PRPF3: variants seen among roughly 807,000 people sequenced by gnomAD.
PRPF3 encodes U4/U6 small nuclear ribonucleoprotein Prp3.
Under a neutral mutation model 89.2 loss-of-function variants are expected in PRPF3, and 3 were observed. That is an observed-to-expected ratio of 0.03 (90% CI 0.02 to 0.09). PRPF3 has a LOEUF of 0.09. Among genes scored for constraint, PRPF3 ranks in the 10% least tolerant of loss-of-function variants. The probability of loss-of-function intolerance (pLI) is 1.00; values close to 1 mark genes in which losing one functional copy is unlikely to be tolerated. For synonymous variants in PRPF3, 270 were observed against 289.1 expected (o/e 0.93, Z 0.67); for missense variants, 463 against 828.8 (o/e 0.56, Z 5.42).
chr1:150,339,847 A>G (rs1015899679), intron 8 of PRPF3, among the ~76,000 whole-genome samples: 2 of 148,610 alleles, frequency 1.3e-5, no homozygotes, highest in Non-Finnish European at 3.0e-5. Flanking sequence ...GCTCAGCCTC[A>G]TAAGTATCCG....
intron 11 of PRPF3, 30 bp from the exon 12 acceptor site, chr1:150,344,404 C>G (rs781962731): frequency 1.2e-5 from 19 of 1,614,048 alleles, no homozygotes; most frequent in Non-Finnish European, 1.5e-5. Context: ...ATGCCTTTCT[C>G]ACTTGTGGAT....
chr1:150,351,912 ATGT>A (rs1658970089), intron 15 of PRPF3, among the ~76,000 whole-genome samples: 1 of 151,858 alleles, frequency 6.6e-6, no homozygotes, highest in African/African-American at 2.4e-5. Context: ...ACCAGTATTA[ATGT>A]TGTAGGAATT....
rs782001708 is a variant in PRPF3 at position 150,328,286 on chromosome 1, G to C, written c.277-34G>C. 9 of 1,612,550 alleles carry C rather than the reference G, an allele frequency of 5.6e-6. No individual in the cohort carries two copies. In the East Asian group the frequency reaches 8.9e-5, roughly 16 times the overall value. ...TTCTTCCCTTCTCCCCACGGGGAGGGATACAGCTTTTCTTTCATCTTGGGT... is the reference window on the plus strand; with the variant it reads ...TTCTTCCCTTCTCCCCACGGGGAGGCATACAGCTTTTCTTTCATCTTGGGT... On this transcript the variant is annotated intron_variant, in intron 3 of 15. Transcript: ENST00000324862.
In PRPF3 at chr1:150,325,774, G is replaced by A. The variant is rs1445442631; in HGVS notation, c.169G>A (p.Asp57Asn). 2 of 1,613,228 alleles carry A rather than the reference G, an allele frequency of 1.2e-6. No individual in the cohort carries two copies. The highest frequency in any genetic ancestry group is 1.7e-6 in the Non-Finnish European group (2 of 1,179,558). ...AADHLKPFLDDSTLRFVDKLF... is the reference protein window; with the variant it reads ...AADHLKPFLDNSTLRFVDKLF... ...AGATCATCTGAAACCTTTTCTTGAT[G>A]ATTCTACTCTCCGATTTGTGGACAA... The change falls in exon 3 of 16, where the codon GAT (aspartate) becomes AAT (asparagine). Residue 57 changes from aspartate to asparagine, a missense_variant. Physicochemically the swap from Asp to Asn is conservative, Grantham distance 23. Transcript: ENST00000324862.
At chr1:150,326,337 A>C (rs1382374374) in intron 3 of PRPF3, among the ~76,000 whole-genome samples, 1 of 152,096 alleles carries the variant, frequency 6.6e-6, no homozygotes, top group Non-Finnish European at 1.5e-5. Flanking sequence ...AAAAATAACT[A>C]TTATTTATTA....
At position 150,323,173 on chromosome 1, in the gene PRPF3, C is replaced by CTTTTTTTTTTTTTT. The variant is rs71083901; in HGVS notation, c.-49+1592_-49+1605dup. 9.5e-4 allele frequency among the ~76,000 whole-genome samples: 46 copies of CTTTTTTTTTTTTTT among 48,286 alleles called. 9 individuals are homozygous for CTTTTTTTTTTTTTT. The highest frequency in any genetic ancestry group is 3.7e-3 in the African/African-American group (38 of 10,350). 31.7% of individuals were successfully genotyped at this position (48,286 alleles called of 152,430 possible). A position where few individuals can be genotyped will look rare whatever the true frequency, so the allele number is the denominator to read the frequency against. ...TACAGGCGTGAGCCACCGCACCTGG[C>CTTTTTTTTTTTTTT]TTTTTTTTTTTTTTTTTTTTTTTTG... On this transcript the variant is annotated intron_variant, in intron 1 of 15. Transcript: ENST00000324862.
chr1:150,331,191 AC>A (rs1302080079), intron 4 of PRPF3, among the ~76,000 whole-genome samples: 1 of 149,174 alleles, frequency 6.7e-6, no homozygotes, highest in Non-Finnish European at 1.5e-5. Flanking sequence ...AACGTGCATC[AC>A]CATGTCCAGC....
intron 15 of PRPF3, among the ~76,000 whole-genome samples, chr1:150,352,170 C>T (rs1553874526): frequency 6.6e-6 from 1 of 152,130 alleles, no homozygotes; most frequent in Non-Finnish European, 1.5e-5. Flanking sequence ...CCAAAGCCTC[C>T]TGCTTATATA....
At chr1:150,334,724 C>T (rs782029400) in intron 6 of PRPF3, among the ~76,000 whole-genome samples, 6 of 151,908 alleles carry the variant, frequency 3.9e-5, no homozygotes, top group Non-Finnish European at 8.8e-5. Context: ...TATATGCCAC[C>T]GCACCCAGCT....
chr1:150,335,033 A>G lies in PRPF3; in HGVS notation c.827A>G (p.His276Arg). ...ACAGGCAAGGAGATTGAGCTGACAC[A>G]CCGCATGCCTACTCTGAAAGCCAAT... Reference protein sequence around the residue: ...DATGKEIELTHRMPTLKANIR... With the variant: ...DATGKEIELTRRMPTLKANIR... The change falls in exon 7 of 16, where the codon CAC becomes CGC. Residue 276 changes from histidine (H) to arginine (R), a missense_variant. His to Arg is a conservative substitution (Grantham distance 29). Coordinates refer to ENST00000324862, the MANE Select transcript of PRPF3 (RefSeq NM_004698.4). 6.2e-7 allele frequency: 1 copy of G among 1,614,100 alleles called. No individual in the cohort carries two copies. The highest frequency in any genetic ancestry group is 8.5e-7 in the Non-Finnish European group (1 of 1,180,012).
chr1:150,339,733 T>G (rs1273504585), intron 8 of PRPF3, among the ~76,000 whole-genome samples: 1 of 133,638 alleles, frequency 7.5e-6, no homozygotes, highest in African/African-American at 2.8e-5. Flanking sequence ...CCACCACGCC[T>G]GGCGTTTTTT....
rs1284484498 is a variant in PRPF3 at position 150,348,458 on chromosome 1, GCAT to G, written c.1844-698_1844-696del. Among the ~76,000 whole-genome samples the G allele has an allele frequency of 1.4e-4, 3 of 21,696 alleles. 1 individual carries two copies. Among genetic ancestry groups the G allele is most frequent in the African/African-American group, 6.5e-4 (2 of 3,084 alleles). The allele number at this position is 21,696 out of a possible 152,430, so 14.2% of individuals were successfully genotyped here. On this transcript the variant is annotated intron_variant, in intron 14 of 15. Transcript: ENST00000324862. ...ATAAAAAATATTTTGTTCTACACGT[GCAT>G]TTTTTTTTTTTTTTTTTTGAGATGG... is the stretch of plus-strand genomic sequence containing the variant.
rs587619799 is a variant in PRPF3 at position 150,346,986 on chromosome 1, G to A, written c.1843+495G>A. On this transcript the variant is annotated intron_variant, in intron 14 of 15. Transcript: ENST00000324862. ...CACACCTGTATTCCCAGCTACTCAG[G>A]AAGCTGAGGTGGGAGGATCACTTGA... 1.8e-3 allele frequency among the ~76,000 whole-genome samples: 268 copies of A among 152,236 alleles called. 1 individual carries two copies. The Middle Eastern group carries it at 0.027, about 15-fold the overall frequency.
At chr1:150,346,550 C>T in intron 14 of PRPF3, 59 bp downstream of exon 14, 4 of 1,489,302 alleles carry the variant, frequency 2.7e-6, no homozygotes, top group Non-Finnish European at 3.7e-6. Flanking sequence ...GATGGTGCAT[C>T]TGTCCGTTCA....
chr1:150,338,068 C>G, intron 7 of PRPF3, 92 bp from the exon 8 acceptor site: 1 of 1,282,242 alleles, frequency 7.8e-7, no homozygotes, highest in South Asian at 1.3e-5. Flanking sequence ...GAACGAAACT[C>G]CGTCTCAAAA....
chr1:150,340,552 T>A, intron 9 of PRPF3, 75 bp downstream of exon 9: 1 of 1,143,294 alleles, frequency 8.7e-7, no homozygotes. Flanking sequence ...AGGAACATGT[T>A]CTGTATCTAT....
At chr1:150,351,778 G>A (rs1174734113) in intron 15 of PRPF3, among the ~76,000 whole-genome samples, 4 of 149,708 alleles carry the variant, frequency 2.7e-5, no homozygotes, top group African/African-American at 4.9e-5. Context: ...CCAAAGTGCT[G>A]GGATTATAGG....
intron 9 of PRPF3, among the ~76,000 whole-genome samples, chr1:150,342,646 C>T (rs1317428977): frequency 2.0e-5 from 3 of 151,918 alleles, no homozygotes; most frequent in African/African-American, 7.3e-5. Flanking sequence ...CCTCAGCCTC[C>T]CGAGTAGCTG....
At chr1:150,338,041 TCCAGCCTGGGCAAGAAGAAC>T (rs1163995384) in intron 7 of PRPF3, 99 bp from the exon 8 acceptor site, 1 of 1,094,972 alleles carries the variant, frequency 9.1e-7, no homozygotes, top group East Asian at 2.6e-5. Flanking sequence ...GCCATTGCAC[TCCAGCCTGGGCAAGAAGAAC>T]GAAACTCCGT....
Sources: gnomAD v4.1 joint callset for allele counts (sites outside exome capture counted in the v4.1 genomes callset) on GRCh38, gnomAD v4.1.1 for gene constraint, MANE v1.5 for transcripts, NCBI Gene and HGNC (gene_info 2026-07-23, HGNC 2026-07-21) for gene names.